Variants in MPPED2 observed in about 807,000 individuals in gnomAD.
The protein encoded by MPPED2 is metallophosphoesterase domain containing 2.
Under a neutral mutation model 33.0 loss-of-function variants are expected in MPPED2, and 5 were observed. That is an observed-to-expected ratio of 0.15 (90% confidence interval 0.08 to 0.32). The LOEUF is 0.32. Ranked by LOEUF, MPPED2 falls within the 10% of genes least tolerant of loss-of-function variation. MPPED2 has a pLI of 1.00. For synonymous variants in MPPED2, 136 were observed against 141.9 expected (o/e 0.96, Z 0.29); for missense variants, 275 against 372.1 (o/e 0.74, Z 2.15).
chr11:30,567,774 C>T (rs1956509679), intron 2 of MPPED2, among the ~76,000 whole-genome samples: 1 of 152,102 alleles, frequency 6.6e-6, no homozygotes, highest in African/African-American at 2.4e-5. Flanking sequence ...ACATTTTCAC[C>T]CAAGCAAATT....
chr11:30,522,970 C>T (rs951987688), intron 3 of MPPED2, among the ~76,000 whole-genome samples: 8 of 152,134 alleles, frequency 5.3e-5, no homozygotes, highest in Admixed American at 3.9e-4. Context: ...ATTTAACAAT[C>T]ACTAGGGTCA....
chr11:30,512,846 CA>C (rs1446425285), intron 3 of MPPED2, among the ~76,000 whole-genome samples: 3 of 152,138 alleles, frequency 2.0e-5, no homozygotes, highest in African/African-American at 4.8e-5. Flanking sequence ...ACTAAAAATA[CA>C]AAAATTAGCC....
rs188702945 is a variant in MPPED2 at position 30,511,345 on chromosome 11, G to A, written c.311-15824C>T. Among the ~76,000 whole-genome samples the A allele has an allele frequency of 3.9e-5, 6 of 152,210 alleles. No individual in the cohort carries two copies. The East Asian group carries it at 1.2e-3, about 29-fold the overall frequency. The stretch of plus-strand genomic sequence containing the variant: ...GCCTTATGGAACTTATATTCAGGTG[G>A]GAGCAACAGATAATAAAGAAGTAAA... On this transcript the variant is annotated intron_variant, in intron 3 of 6. Coordinates refer to ENST00000358117, the MANE Select transcript of MPPED2 (RefSeq NM_001584.3).
intron 2 of MPPED2, among the ~76,000 whole-genome samples, chr11:30,536,609 T>C (rs780124961): frequency 1.3e-5 from 2 of 152,156 alleles, no homozygotes; most frequent in African/African-American, 2.4e-5. Flanking sequence ...ACTTAAGCAA[T>C]GAACTAATTT....
At chr11:30,407,499 C>A (rs978859994), downstream of MPPED2, among the ~76,000 whole-genome samples, 2 of 152,206 alleles carry the variant, frequency 1.3e-5, no homozygotes, top group African/African-American at 4.8e-5. Flanking sequence ...AGGCTTGTTA[C>A]GGTTCCTAAG....
chr11:30,453,014 T>C (rs1303814724), intron 4 of MPPED2, among the ~76,000 whole-genome samples: 2 of 152,134 alleles, frequency 1.3e-5, no homozygotes, highest in Non-Finnish European at 2.9e-5. Flanking sequence ...TAGCAGGCAT[T>C]TGCTGCAAGG....
chr11:30,478,372 A>G (rs1354770442), intron 4 of MPPED2, among the ~76,000 whole-genome samples: 1 of 152,168 alleles, frequency 6.6e-6, no homozygotes, highest in Non-Finnish European at 1.5e-5. Flanking sequence ...AAAGAATGAA[A>G]AAAACAAAAT....
At chr11:30,478,371 A>C (rs1213510693) in intron 4 of MPPED2, among the ~76,000 whole-genome samples, 7 of 152,162 alleles carry the variant, frequency 4.6e-5, no homozygotes. Context: ...AAAAGAATGA[A>C]AAAAACAAAA....
chr11:30,571,389 T>A (rs887990583), intron 2 of MPPED2, among the ~76,000 whole-genome samples: 1 of 151,998 alleles, frequency 6.6e-6, no homozygotes, highest in African/African-American at 2.4e-5. Flanking sequence ...TAGACCCAAA[T>A]AATGCAGGAG....
intron 4 of MPPED2, among the ~76,000 whole-genome samples, chr11:30,440,731 T>C (rs954620743): frequency 5.9e-5 from 9 of 152,178 alleles, no homozygotes; most frequent in African/African-American, 1.7e-4. Context: ...TTTCACTCAA[T>C]AAACAATCGG....
chr11:30,522,189 C>A (rs930770231), intron 3 of MPPED2, among the ~76,000 whole-genome samples: 4 of 151,942 alleles, frequency 2.6e-5, no homozygotes, highest in Non-Finnish European at 4.4e-5. Flanking sequence ...TCATAAATGG[C>A]ATGATTAAGA....
chr11:30,552,010 C>G (rs1008307724), intron 2 of MPPED2, among the ~76,000 whole-genome samples: 2 of 152,162 alleles, frequency 1.3e-5, no homozygotes, highest in African/African-American at 4.8e-5. Flanking sequence ...GAACACACTC[C>G]TTGATGAAGT....
chr11:30,559,677 TA>T (rs1956154490), intron 2 of MPPED2, among the ~76,000 whole-genome samples: 1 of 152,138 alleles, frequency 6.6e-6, no homozygotes, highest in Admixed American at 6.5e-5. Context: ...GTTATTTTTT[TA>T]ATTTTAGTTT....
intron 2 of MPPED2, among the ~76,000 whole-genome samples, chr11:30,542,875 C>T (rs546217029): frequency 1.1e-3 from 167 of 152,218 alleles, no homozygotes; most frequent in Non-Finnish European, 1.7e-3. Flanking sequence ...CTAAAATATA[C>T]CTGCACTTGG....
At chr11:30,395,511 T>C (rs1947828837) in intron 6 of MPPED2, among the ~76,000 whole-genome samples, 1 of 152,178 alleles carries the variant, frequency 6.6e-6, no homozygotes, top group African/African-American at 2.4e-5. Context: ...AAGAATACCT[T>C]GGATGCTCTG....
chr11:30,459,767 T>C (rs1320000349), intron 4 of MPPED2, among the ~76,000 whole-genome samples: 1 of 152,222 alleles, frequency 6.6e-6, no homozygotes, highest in African/African-American at 2.4e-5. Flanking sequence ...TCAGGTTGGG[T>C]AACATACACC....
intron 2 of MPPED2, among the ~76,000 whole-genome samples, chr11:30,563,350 C>G (rs926994576): frequency 6.6e-6 from 1 of 152,094 alleles, no homozygotes; most frequent in African/African-American, 2.4e-5. Flanking sequence ...ACGTAGATCC[C>G]TCGTATGCAC....
intron 4 of MPPED2, among the ~76,000 whole-genome samples, chr11:30,466,881 A>G (rs1950729942): frequency 6.6e-6 from 1 of 152,206 alleles, no homozygotes; most frequent in Non-Finnish European, 1.5e-5. Flanking sequence ...ACAACGGGAA[A>G]CCATGCTTAA....
At chr11:30,453,811 G>C (rs1175865426) in intron 4 of MPPED2, among the ~76,000 whole-genome samples, 1 of 152,186 alleles carries the variant, frequency 6.6e-6, no homozygotes, top group African/African-American at 2.4e-5. Flanking sequence ...TCTCTTCAAA[G>C]GCTGGCCAGG....
Sources: allele counts gnomAD v4.1 joint callset (sites outside exome capture counted in the v4.1 genomes callset), GRCh38; gene constraint gnomAD v4.1.1; transcripts MANE v1.5; gene names NCBI Gene and HGNC (gene_info 2026-07-23, HGNC 2026-07-21).